Variants in DLC1 observed in about 807,000 individuals in gnomAD.
DLC1 encodes the protein rho GTPase-activating protein 7.
In DLC1, 54 loss-of-function variants were observed where a neutral mutation model predicts 140.3. That is an observed-to-expected ratio of 0.38 (90% CI 0.31 to 0.48). The LOEUF (loss-of-function observed/expected upper bound fraction) is 0.48, where lower values mean the gene tolerates loss of function less well. DLC1 is among the 20% of genes least tolerant of loss of function. The pLI, the probability that DLC1 is intolerant of heterozygous loss-of-function variation, is 0.96. For missense variants in DLC1, 2,536 were observed against 1,907.0 expected (o/e 1.33, Z -6.14); for synonymous variants, 986 against 728.1 (o/e 1.35, Z -5.70).
intron 5 of DLC1, among the ~76,000 whole-genome samples, chr8:13,182,423 A>G (rs1032938774): frequency 6.6e-6 from 1 of 152,112 alleles, no homozygotes; most frequent in Non-Finnish European, 1.5e-5. Context: ...GGTATTGCCT[A>G]GGTTTTCATC....
At chr8:13,347,750 A>G (rs1834421654) in intron 4 of DLC1, among the ~76,000 whole-genome samples, 1 of 152,188 alleles carries the variant, frequency 6.6e-6, no homozygotes, top group Admixed American at 6.5e-5. Flanking sequence ...TCATTTCAAC[A>G]TATGAAGTAA....
At chr8:13,434,997 A>G (rs1839053951) in intron 2 of DLC1, among the ~76,000 whole-genome samples, 2 of 152,050 alleles carry the variant, frequency 1.3e-5, no homozygotes, top group African/African-American at 4.8e-5. Flanking sequence ...CTTATTATTT[A>G]AGAAATACAT....
intron 5 of DLC1, among the ~76,000 whole-genome samples, chr8:13,246,138 A>G (rs1829754216): frequency 2.0e-5 from 3 of 152,242 alleles, no homozygotes; most frequent in African/African-American, 4.8e-5. Context: ...GAGTCCAGCA[A>G]CACTTCCACC....
intron 1 of DLC1, among the ~76,000 whole-genome samples, chr8:13,566,243 A>C (rs1462526576): frequency 6.6e-6 from 1 of 152,182 alleles, no homozygotes; most frequent in African/African-American, 2.4e-5. Context: ...GGAGGAGGAT[A>C]AATTAACGAT....
At chr8:13,500,298 G>C (rs926458181) in intron 1 of DLC1, 102 bp from the exon 2 acceptor site, 1 of 424,620 alleles carries the variant, frequency 2.4e-6, no homozygotes, top group Non-Finnish European at 4.2e-6. Flanking sequence ...AAAGTTAAGA[G>C]ATTTTATAAA....
intron 5 of DLC1, among the ~76,000 whole-genome samples, chr8:13,145,033 A>G (rs1823313018): frequency 6.6e-6 from 1 of 152,210 alleles, no homozygotes. Context: ...ATCAAAAACA[A>G]AAGTATTTAT....
At chr8:13,134,162 G>A (rs995476404) in intron 5 of DLC1, among the ~76,000 whole-genome samples, 3 of 152,212 alleles carry the variant, frequency 2.0e-5, no homozygotes, top group Non-Finnish European at 2.9e-5. Flanking sequence ...GTATTAGGAA[G>A]CCTAATGTGA....
chr8:13,180,179 T>C lies in DLC1; in HGVS notation c.1349-64522A>G, dbSNP rs546600909. Among the ~76,000 whole-genome samples, 17 of 152,346 alleles carry C rather than the reference T, an allele frequency of 1.1e-4. No individual in the cohort carries two copies. The South Asian group carries it at 3.5e-3, about 32-fold the overall frequency. On this transcript the variant is annotated intron_variant, in intron 5 of 17. Coordinates refer to ENST00000276297, the MANE Select transcript of DLC1 (RefSeq NM_182643.3). ...TCAAAGGAAGCAGACTTACTGTCTT[T>C]AGTGCAGTCAAACTACTTGTTCCCT...
chr8:13,463,810 C>G (rs1799795843), intron 2 of DLC1, among the ~76,000 whole-genome samples: 1 of 152,122 alleles, frequency 6.6e-6, no homozygotes, highest in Non-Finnish European at 1.5e-5. Flanking sequence ...TAGAGAGTTT[C>G]TGTTAGGGAA....
intron 1 of DLC1, among the ~76,000 whole-genome samples, chr8:13,529,324 A>G (rs1429323304): frequency 1.3e-5 from 2 of 152,208 alleles, no homozygotes; most frequent in African/African-American, 4.8e-5. Flanking sequence ...GATAATTTCT[A>G]TAATTAGACA....
At chr8:13,442,387 C>A (rs1409512010) in intron 2 of DLC1, among the ~76,000 whole-genome samples, 3 of 152,146 alleles carry the variant, frequency 2.0e-5, no homozygotes, top group South Asian at 2.1e-4. Flanking sequence ...TTCTGCACAG[C>A]AAAAGAAACT....
chr8:13,174,715 T>C lies in DLC1; in HGVS notation c.1349-59058A>G, dbSNP rs192154344. Among the ~76,000 whole-genome samples, 500 of 152,350 alleles carry C rather than the reference T, an allele frequency of 3.3e-3. 4 individuals are homozygous for C. Among genetic ancestry groups the C allele is most frequent in the African/African-American group, 0.011 (475 of 41,584 alleles). The stretch of plus-strand genomic sequence containing the variant: ...TTGCCCACTTTTTACTGGGGTTGTA[T>C]GTTTTTTGCTTGCTGACTTAAGTTC... On this transcript the variant is annotated intron_variant, in intron 5 of 17. Transcript: ENST00000276297.
At chr8:13,538,655 A>G (rs1803381000) in intron 1 of DLC1, among the ~76,000 whole-genome samples, 1 of 152,162 alleles carries the variant, frequency 6.6e-6, no homozygotes, top group Admixed American at 6.5e-5. Flanking sequence ...GAAACACTAT[A>G]GTAGGGTGGG....
intron 5 of DLC1, among the ~76,000 whole-genome samples, chr8:13,123,042 A>G (rs1223006008): frequency 6.6e-6 from 1 of 152,216 alleles, no homozygotes; most frequent in African/African-American, 2.4e-5. Context: ...GACTTGAAGC[A>G]GGAAGCCAAG....
At chr8:13,263,461 G>T (rs926247309) in intron 5 of DLC1, among the ~76,000 whole-genome samples, 1 of 151,934 alleles carries the variant, frequency 6.6e-6, no homozygotes, top group Non-Finnish European at 1.5e-5. Context: ...TAAGATAAGA[G>T]AAATATTACT....
chr8:13,555,751 C>T (rs1325056074), intron 1 of DLC1, among the ~76,000 whole-genome samples: 1 of 151,934 alleles, frequency 6.6e-6, no homozygotes, highest in Admixed American at 6.6e-5. Context: ...ATCCTCTCCG[C>T]TTGGCCTCCC....
intron 5 of DLC1, among the ~76,000 whole-genome samples, chr8:13,132,026 C>T (rs969840624): frequency 6.6e-6 from 1 of 152,178 alleles, no homozygotes; most frequent in African/African-American, 2.4e-5. Context: ...TGGGGGCAGG[C>T]TTCCAAGAAG....
chr8:13,521,016 G>A (rs1802748802), intron 1 of DLC1, among the ~76,000 whole-genome samples: 1 of 152,116 alleles, frequency 6.6e-6, no homozygotes, highest in Non-Finnish European at 1.5e-5. Context: ...GCCCATGAGT[G>A]ATAGACTGGT....
intron 1 of DLC1, among the ~76,000 whole-genome samples, chr8:13,603,361 C>T (rs886085641): frequency 6.6e-6 from 1 of 151,538 alleles, no homozygotes; most frequent in Non-Finnish European, 1.5e-5. Flanking sequence ...CTGATATAGA[C>T]AGAGTTTGAT....
Sources: gnomAD v4.1 joint callset for allele counts (sites outside exome capture counted in the v4.1 genomes callset) on GRCh38, gnomAD v4.1.1 for gene constraint, MANE v1.5 for transcripts, NCBI Gene and HGNC (gene_info 2026-07-23, HGNC 2026-07-21) for gene names.